Variants in UNC13C observed in about 807,000 individuals in gnomAD.
UNC13C encodes protein unc-13 homolog C.
A neutral mutation model predicts 245.4 loss-of-function variants in UNC13C; 174 were observed. The ratio of observed to expected loss-of-function variants is 0.71; its 90% CI spans 0.63 to 0.80. UNC13C has a LOEUF of 0.80. Ranked by LOEUF, UNC13C falls within the 30% of genes least tolerant of loss-of-function variation. UNC13C has a pLI of 0.00. For missense variants in UNC13C, 2,829 were observed against 2,602.9 expected (o/e 1.09, Z -1.89); for synonymous variants, 992 against 895.1 (o/e 1.11, Z -1.93).
At position 54,450,792 on chromosome 15, in the gene UNC13C, C is replaced by T. The variant is rs138929636; in HGVS notation, c.4933+35725C>T. ...CGCCCACTGTCCTGCCCCCACTGTC[C>T]GACAAGCCCTAGTGAGATGAACCCA... On this transcript the variant is annotated intron_variant, in intron 19 of 32. Transcript: ENST00000260323. 5.2e-3 allele frequency among the ~76,000 whole-genome samples: 793 copies of T among 152,226 alleles called. 7 individuals carry two copies. The highest frequency in any genetic ancestry group is 0.018 in the African/African-American group (756 of 41,528).
At chr15:53,884,115 A>G in the UNC13C span, among the ~76,000 whole-genome samples, 10 of 86 alleles carry the variant, frequency 0.12, no homozygotes, top group Non-Finnish European at 0.18. Flanking sequence ...ACGATGGTTA[A>G]CAAAAGAGGA....
At chr15:53,921,920 T>G in the UNC13C span, among the ~76,000 whole-genome samples, 1 of 152,226 alleles carries the variant, frequency 6.6e-6, no homozygotes, top group East Asian at 1.9e-4. Context: ...AATCTAAGAC[T>G]ATTTTCTAAC....
rs115409131 is a variant in UNC13C at position 53,983,049 on chromosome 15, G to A, written c.-257+4122G>A. 5.5e-3 allele frequency among the ~76,000 whole-genome samples: 843 copies of A among 152,252 alleles called. 6 individuals are homozygous for A. The highest frequency in any genetic ancestry group is 0.019 in the African/African-American group (809 of 41,552). On this transcript the variant is annotated intron_variant, in intron 1 of 32. Coordinates refer to ENST00000260323, the MANE Select transcript of UNC13C (RefSeq NM_001080534.3). ...TTTTCCTTCAGACAACAAGGCAGAA[G>A]TATTGGCTTAATTATAATCCATGGA...
At chr15:54,429,893 G>A (rs796564830) in intron 19 of UNC13C, among the ~76,000 whole-genome samples, 10 of 151,690 alleles carry the variant, frequency 6.6e-5, no homozygotes, top group East Asian at 2.0e-4. Flanking sequence ...ATTTGATTTG[G>A]AGAATAAAAC....
At chr15:54,560,737 T>A (rs1263328949) in intron 29 of UNC13C, among the ~76,000 whole-genome samples, 1 of 151,828 alleles carries the variant, frequency 6.6e-6, no homozygotes, top group African/African-American at 2.4e-5. Flanking sequence ...CTAACAAGTA[T>A]AATATCAGGA....
chr15:53,905,385 A>T, the UNC13C span, among the ~76,000 whole-genome samples: 1 of 124,950 alleles, frequency 8.0e-6, no homozygotes, highest in Non-Finnish European at 1.7e-5. Context: ...TTACATTTAT[A>T]TTATATTACT....
chr15:54,097,385 C>T (rs936018518), intron 2 of UNC13C, among the ~76,000 whole-genome samples: 1 of 152,076 alleles, frequency 6.6e-6, no homozygotes, highest in African/African-American at 2.4e-5. Flanking sequence ...CTCAATCTCC[C>T]CAATGTGTAA....
intron 11 of UNC13C, among the ~76,000 whole-genome samples, chr15:54,295,184 G>A (rs1290953574): frequency 1.3e-5 from 2 of 152,122 alleles, no homozygotes; most frequent in Admixed American, 6.5e-5. Context: ...ATTACTAACT[G>A]AGGGTAAATT....
the UNC13C span, among the ~76,000 whole-genome samples, chr15:53,848,104 C>G: frequency 8.4e-6 from 1 of 118,368 alleles, no homozygotes; most frequent in East Asian, 2.8e-4. Flanking sequence ...TTCTCTCTCT[C>G]TCTTATTGAT....
the UNC13C span, among the ~76,000 whole-genome samples, chr15:53,935,177 A>G: frequency 9.3e-5 from 14 of 151,116 alleles, no homozygotes; most frequent in South Asian, 1.1e-3. Context: ...ACCTCTTTCA[A>G]TGGTTTCTGA....
At chr15:54,523,663 T>C (rs1184426155) in intron 24 of UNC13C, among the ~76,000 whole-genome samples, 1 of 152,246 alleles carries the variant, frequency 6.6e-6, no homozygotes, top group African/African-American at 2.4e-5. Flanking sequence ...TATCTGGTGA[T>C]AATCCTACCT....
chr15:53,967,294 T>C, the UNC13C span, among the ~76,000 whole-genome samples: 1 of 151,668 alleles, frequency 6.6e-6, no homozygotes, highest in South Asian at 2.1e-4. Flanking sequence ...ACTTACTTTT[T>C]TATAAAATGA....
chr15:54,088,201 CTTTTTTTTTT>C (rs59075201), intron 2 of UNC13C, among the ~76,000 whole-genome samples: 12 of 103,914 alleles, frequency 1.2e-4, no homozygotes, highest in East Asian at 3.3e-4. Flanking sequence ...CTTCCTTTTC[CTTTTTTTTTT>C]TTTTTTTTTT....
intron 17 of UNC13C, among the ~76,000 whole-genome samples, chr15:54,369,339 C>G (rs548323306): frequency 2.0e-5 from 3 of 152,046 alleles, no homozygotes. Flanking sequence ...TTGCCTTTGC[C>G]GAAGCCCTTT....
At chr15:54,331,975 G>A (rs1185381738) in intron 14 of UNC13C, 68 bp from the exon 15 acceptor site, 1 of 1,012,912 alleles carries the variant, frequency 9.9e-7, no homozygotes, top group Non-Finnish European at 1.4e-6. Flanking sequence ...ACAAAACTCA[G>A]AATTATTATG....
intron 2 of UNC13C, among the ~76,000 whole-genome samples, chr15:54,062,920 A>T (rs1897909264): frequency 6.6e-6 from 1 of 152,144 alleles, no homozygotes; most frequent in East Asian, 1.9e-4. Flanking sequence ...ATCCCCTTTC[A>T]TTGAGAGACA....
intron 30 of UNC13C, among the ~76,000 whole-genome samples, chr15:54,583,117 A>G (rs1293392538): frequency 1.3e-5 from 2 of 152,144 alleles, no homozygotes; most frequent in Non-Finnish European, 2.9e-5. Flanking sequence ...AGGAACCACA[A>G]TTTGAGAACC....
chr15:54,146,762 T>C (rs1432604171), intron 4 of UNC13C, among the ~76,000 whole-genome samples: 1 of 152,164 alleles, frequency 6.6e-6, no homozygotes, highest in East Asian at 1.9e-4. Context: ...CAACTCAATA[T>C]GAAAAGTACA....
At chr15:54,281,758 A>T (rs931506893) in intron 10 of UNC13C, among the ~76,000 whole-genome samples, 1 of 152,232 alleles carries the variant, frequency 6.6e-6, no homozygotes, top group African/African-American at 2.4e-5. Flanking sequence ...TGAGGTAGGT[A>T]TCATTATTAT....
Sources: gnomAD v4.1 joint callset for allele counts (sites outside exome capture counted in the v4.1 genomes callset) on GRCh38, gnomAD v4.1.1 for gene constraint, MANE v1.5 for transcripts, NCBI Gene and HGNC (gene_info 2026-07-23, HGNC 2026-07-21) for gene names.